The following PHF24 variants were observed in gnomAD, a reference collection of about 807,000 sequenced individuals.
PHF24 encodes the protein Galpha inhibitory interacting protein.
PHF24 carries 25 observed loss-of-function variants against 42.6 expected under a neutral mutation model. The observed-to-expected ratio is 0.59, with a 90% confidence interval of 0.43 to 0.82. The LOEUF (loss-of-function observed/expected upper bound fraction) is 0.82. PHF24 is among the 40% of genes least tolerant of loss of function. The probability of loss-of-function intolerance (pLI) is 0.00; values close to 1 mark genes in which losing one functional copy is unlikely to be tolerated. For synonymous variants in PHF24, 185 were observed against 204.8 expected, an observed-to-expected ratio of 0.90 and a Z score of 0.83; for missense variants, 470 against 538.1, an observed-to-expected ratio of 0.87 and a Z score of 1.25.
At chr9:34,918,724 A>G in the PHF24 span, among the ~76,000 whole-genome samples, 2 of 152,164 alleles carry the variant, frequency 1.3e-5, no homozygotes, top group Admixed American at 6.5e-5. Flanking sequence ...TCACTTCCCT[A>G]TTCATTATAA....
chr9:34,874,185 A>G, the PHF24 span, among the ~76,000 whole-genome samples: 2 of 152,084 alleles, frequency 1.3e-5, no homozygotes, highest in African/African-American at 4.8e-5. Context: ...AATACCCTTT[A>G]TTTCCTTCTC....
At chr9:34,691,032 G>A in the PHF24 span, 2 of 1,429,650 alleles carry the variant, frequency 1.4e-6, no homozygotes, top group Non-Finnish European at 1.9e-6. Context: ...CTGAGATCTA[G>A]ACATTACCCA....
the PHF24 span, among the ~76,000 whole-genome samples, chr9:34,841,824 T>C: frequency 6.6e-6 from 1 of 152,202 alleles, no homozygotes; most frequent in Non-Finnish European, 1.5e-5. Context: ...ACCACTGCTC[T>C]CCAACCTGGG....
chr9:34,879,021 G>A, the PHF24 span, among the ~76,000 whole-genome samples: 1 of 152,172 alleles, frequency 6.6e-6, no homozygotes, highest in Non-Finnish European at 1.5e-5. Context: ...CCAGAGGAAG[G>A]ATCAGGTGGC....
At chr9:34,724,257 T>A in the PHF24 span, 1 of 1,551,526 alleles carries the variant, frequency 6.4e-7, no homozygotes, top group Admixed American at 2.0e-5. Context: ...GGCTGTGAGA[T>A]CTTGGAGACC....
At chr9:34,927,164 T>G in the PHF24 span, among the ~76,000 whole-genome samples, 5 of 152,306 alleles carry the variant, frequency 3.3e-5, no homozygotes, top group East Asian at 9.7e-4. Context: ...TGGGCAGGAC[T>G]GGCAGACTGT....
At chr9:34,960,296 C>A (rs958713737) in intron 1 of PHF24, among the ~76,000 whole-genome samples, 3 of 152,216 alleles carry the variant, frequency 2.0e-5, no homozygotes, top group Non-Finnish European at 4.4e-5. Flanking sequence ...ACAGAAGTGG[C>A]TTCCTTTGGC....
At chr9:34,968,941 C>T (rs943525836) in intron 1 of PHF24, among the ~76,000 whole-genome samples, 3 of 152,162 alleles carry the variant, frequency 2.0e-5, no homozygotes, top group African/African-American at 4.8e-5. Context: ...GTGAGCACTC[C>T]GACCTGGACT....
At chr9:34,681,592 C>G in the PHF24 span, among the ~76,000 whole-genome samples, 1 of 152,306 alleles carries the variant, frequency 6.6e-6, no homozygotes, top group Non-Finnish European at 1.5e-5. Context: ...GGGTGGATCA[C>G]CTGAGGTCAG....
At chr9:34,677,389 G>GTTTTTTTTTTTTTTTTTTTTTTTTTTTTT in the PHF24 span, among the ~76,000 whole-genome samples, 19 of 79,774 alleles carry the variant, frequency 2.4e-4, no homozygotes, top group South Asian at 8.0e-4. Flanking sequence ...TTTGTAAACT[G>GTTTTTTTTTTTTTTTTTTTTTTTTTTTTT]TTTTTTTTTT....
the PHF24 span, among the ~76,000 whole-genome samples, chr9:34,816,197 T>TG: frequency 1.3e-5 from 2 of 152,222 alleles, no homozygotes; most frequent in South Asian, 4.1e-4. Context: ...CATCCTGTGC[T>TG]GAAAATACAG....
the PHF24 span, among the ~76,000 whole-genome samples, chr9:34,937,410 C>T: frequency 6.6e-6 from 1 of 152,026 alleles, no homozygotes; most frequent in South Asian, 2.1e-4. Flanking sequence ...GGATTAAGGG[C>T]GGTGCAAGAT....
chr9:34,697,438 GC>G, the PHF24 span, among the ~76,000 whole-genome samples: 1 of 152,104 alleles, frequency 6.6e-6, no homozygotes, highest in Admixed American at 6.5e-5. Flanking sequence ...TCTTGCCTCA[GC>G]CTCCCAAGTA....
chr9:34,787,325 A>G, the PHF24 span, among the ~76,000 whole-genome samples: 1 of 151,842 alleles, frequency 6.6e-6, no homozygotes, highest in Admixed American at 6.6e-5. Context: ...AATTTTTAAA[A>G]TTAAAAAAAA....
chr9:34,839,294 G>A, the PHF24 span, among the ~76,000 whole-genome samples: 13,805 of 152,168 alleles, frequency 0.091, 1,471 homozygotes, highest in African/African-American at 0.26. Flanking sequence ...CTGGCTTTGG[G>A]TCGCAAACTG....
chr9:34,785,200 C>A, the PHF24 span, among the ~76,000 whole-genome samples: 273 of 152,302 alleles, frequency 1.8e-3, 10 homozygotes, highest in East Asian at 0.046. Context: ...AAGATGGCAT[C>A]TTGCTGTGTG....
chr9:34,892,308 C>T, the PHF24 span, among the ~76,000 whole-genome samples: 1 of 152,176 alleles, frequency 6.6e-6, no homozygotes, highest in Non-Finnish European at 1.5e-5. Context: ...CAGCTAGCCT[C>T]CCATGAAACC....
chr9:34,709,585 G>T, the PHF24 span: 1 of 1,614,188 alleles, frequency 6.2e-7, no homozygotes, highest in Non-Finnish European at 8.5e-7. Context: ...GGTTTCTGTG[G>T]GGATGGTGTC....
the PHF24 span, among the ~76,000 whole-genome samples, chr9:34,694,165 T>C: frequency 7.6e-6 from 1 of 132,352 alleles, no homozygotes; most frequent in Non-Finnish European, 1.6e-5. Flanking sequence ...TATTCTTTTT[T>C]TTTTTTTTTT....
Sources: gnomAD v4.1 joint callset for allele counts (sites outside exome capture counted in the v4.1 genomes callset) on GRCh38, gnomAD v4.1.1 for gene constraint, MANE v1.5 for transcripts, NCBI Gene and HGNC (gene_info 2026-07-23, HGNC 2026-07-21) for gene names.